NTPCR: variants seen among roughly 807,000 people sequenced by gnomAD.
The protein encoded by NTPCR is nucleoside-triphosphatase, cancer-related, also known as cancer-related nucleoside-triphosphatase.
NTPCR carries 15 observed loss-of-function variants against 19.5 expected under a neutral mutation model. The observed-to-expected ratio is 0.77, with a 90% CI of 0.51 to 1.18. NTPCR has a LOEUF of 1.18. NTPCR is among the 50% of genes most tolerant of loss of function. NTPCR has a pLI of 0.00. For synonymous variants in NTPCR, 90 were observed against 95.8 expected (o/e 0.94, Z 0.36); for missense variants, 206 against 240.4 (o/e 0.86, Z 0.95).
chr1:232,976,371 C>T (rs1379397108), intron 4 of NTPCR: 1 of 1,547,668 alleles, frequency 6.5e-7, no homozygotes, highest in East Asian at 2.4e-5. Context: ...AAGACCAGAG[C>T]AAATTCTCCA....
rs1051163168 is a variant in NTPCR, at chr1:232,976,605, T to G, written c.505-1558T>G. On this transcript the variant is annotated intron_variant, in intron 4 of 4. Coordinates refer to ENST00000366628, the MANE Select transcript of NTPCR (RefSeq NM_032324.3). ...CCTTATAGGCTTTGGAGCTGTCCCA[T>G]GAAGCCAAAGGAAAAGCTGACTGTC... The G allele has an allele frequency of 2.8e-5, 40 of 1,430,266 alleles. No individual in the cohort carries two copies. In the African/African-American group the frequency reaches 5.5e-4, roughly 20 times the overall value. The allele number at this position is 1,430,266 out of a possible 1,614,324, so 88.6% of individuals were successfully genotyped here. A position where few individuals can be genotyped will look rare whatever the true frequency, so the allele number is the denominator to read the frequency against.
chr1:232,981,442 CT>C lies in NTPCR; in HGVS notation c.*3213del, dbSNP rs1381312071. The C allele has an allele frequency of 1.3e-5, 2 of 152,200 alleles. No individual in the cohort carries two copies. The highest frequency in any genetic ancestry group is 4.8e-5 in the African/African-American group (2 of 41,430). 9.4% of individuals were successfully genotyped at this position (152,200 alleles called of 1,614,324 possible). A position where few individuals can be genotyped will look rare whatever the true frequency, so the allele number is the denominator to read the frequency against. The stretch of plus-strand genomic sequence containing the variant: ...CCTGTGTGTGTGCTGATGGCGGATG[CT>C]TGTGTAGCATAGTGACTTGGGACAA... On this transcript the variant is annotated 3_prime_UTR_variant, in exon 5 of 5. Transcript: ENST00000366628.
intron 3 of NTPCR, chr1:232,961,988 C>T (rs1199616629): frequency 1.3e-5 from 2 of 152,122 alleles, no homozygotes; most frequent in African/African-American, 4.8e-5. Flanking sequence ...CCATGGTAAT[C>T]GTTTTTATTT....
At chr1:232,968,262 G>A (rs1224214890) in intron 3 of NTPCR, 1 of 152,194 alleles carries the variant, frequency 6.6e-6, no homozygotes, top group Non-Finnish European at 1.5e-5. Flanking sequence ...CCTCTCTTGG[G>A]TGATTACAGT....
rs766187197 is a variant in NTPCR, at chr1:232,950,737, G to T, written c.27G>T (p.Gly9=). Reference sequence around the variant, plus strand: ...TGGCCCGGCACGTGTTCCTAACGGGGCCCCCAGGTAACCCTGAGGGGATCC... The same window carrying T: ...TGGCCCGGCACGTGTTCCTAACGGGTCCCCCAGGTAACCCTGAGGGGATCC... MARHVFLT[G]PPGVGKTTLI... The change falls in exon 1 of 5, where the codon GGG becomes GGT. Residue 9 remains glycine, a synonymous_variant. Coordinates refer to ENST00000366628, the MANE Select transcript of NTPCR (RefSeq NM_032324.3). 23 of 1,601,528 alleles carry T rather than the reference G, an allele frequency of 1.4e-5. No homozygotes were observed. Among genetic ancestry groups the T allele is most frequent in the Non-Finnish European group, 1.9e-5 (22 of 1,173,228 alleles).
chr1:232,975,475 G>T (rs1237323384), intron 4 of NTPCR, among the ~76,000 whole-genome samples: 1 of 152,202 alleles, frequency 6.6e-6, no homozygotes, highest in Non-Finnish European at 1.5e-5. Flanking sequence ...GATGGAGCAG[G>T]CAGGGGAAGA....
At chr1:232,952,908 G>A (rs1242602332) in intron 1 of NTPCR, among the ~76,000 whole-genome samples, 1 of 152,076 alleles carries the variant, frequency 6.6e-6, no homozygotes, top group African/African-American at 2.4e-5. Flanking sequence ...GCTTTCTCTG[G>A]TCCCTGGAGC....
intron 3 of NTPCR, among the ~76,000 whole-genome samples, chr1:232,959,504 A>G (rs889777607): frequency 6.6e-6 from 1 of 152,174 alleles, no homozygotes; most frequent in African/African-American, 2.4e-5. Flanking sequence ...TTTTTCTCCC[A>G]TCATACATAT....
intron 3 of NTPCR, 197 bp from the exon 4 acceptor site, chr1:232,969,712 G>T: frequency 1.9e-6 from 1 of 515,258 alleles, no homozygotes; most frequent in Non-Finnish European, 3.5e-6. Flanking sequence ...ATGATTCCCA[G>T]CTCCTGGGAC....
intron 3 of NTPCR, chr1:232,966,551 T>G (rs1297606299): frequency 6.6e-6 from 1 of 152,232 alleles, no homozygotes; most frequent in Non-Finnish European, 1.5e-5. Flanking sequence ...CCCAAAAAAA[T>G]CACACTATTT....
At position 232,956,432 on chromosome 1, in the gene NTPCR, G is replaced by T; in HGVS notation, c.283G>T (p.Val95Phe). The part of the protein sequence containing the change: ...LTSFEQLALP[V>F]LRNADCSSGP... Reference sequence around the variant, plus strand: ...TTCTTTTGAGCAGTTGGCACTACCCGTCTTGAGGAATGTGAGTACGTGATT... The same window carrying T: ...TTCTTTTGAGCAGTTGGCACTACCCTTCTTGAGGAATGTGAGTACGTGATT... Residue 95 changes from valine to phenylalanine, a missense_variant, in exon 3 of 5, where the codon GTC becomes TTC. By Grantham distance (50) the Val-to-Phe change is conservative. Transcript: ENST00000366628. 1 of 1,610,162 alleles carries T rather than the reference G, an allele frequency of 6.2e-7. No homozygotes were observed. Among genetic ancestry groups the T allele is most frequent in the Non-Finnish European group, 8.5e-7 (1 of 1,176,430 alleles).
intron 3 of NTPCR, among the ~76,000 whole-genome samples, chr1:232,958,369 T>A (rs1215390291): frequency 6.6e-6 from 1 of 152,242 alleles, no homozygotes; most frequent in Non-Finnish European, 1.5e-5. Context: ...CCCTTGGCAC[T>A]TGCCATTTTT....
chr1:232,957,289 A>G (rs7550499), intron 3 of NTPCR, among the ~76,000 whole-genome samples: 149,272 of 152,316 alleles, frequency 0.98, 73,163 homozygotes, highest in East Asian at 1. Context: ...TTCTTTGAAT[A>G]ATTGATAGAA....
At chr1:232,972,916 G>A (rs773958367) in intron 4 of NTPCR, among the ~76,000 whole-genome samples, 2 of 152,162 alleles carry the variant, frequency 1.3e-5, no homozygotes, top group Non-Finnish European at 2.9e-5. Context: ...AGACCATGGG[G>A]CAATCAAAAT....
At chr1:232,975,690 C>T (rs975614427) in intron 4 of NTPCR, among the ~76,000 whole-genome samples, 1 of 152,162 alleles carries the variant, frequency 6.6e-6, no homozygotes, top group East Asian at 1.9e-4. Flanking sequence ...ACCAAGGGCC[C>T]CCCTACAGCC....
At position 232,969,892 on chromosome 1, in the gene NTPCR, G is replaced by C. The variant is rs754329122; in HGVS notation, c.295-17G>C. 7 of 1,610,024 alleles carry C rather than the reference G, an allele frequency of 4.3e-6. No individual in the cohort carries two copies. Among genetic ancestry groups the C allele is most frequent in the Non-Finnish European group, 3.4e-6 (4 of 1,176,458 alleles). On this transcript the variant is annotated splice_polypyrimidine_tract_variant and intron_variant, in intron 3 of 4. Coordinates refer to ENST00000366628, the MANE Select transcript of NTPCR (RefSeq NM_032324.3). ...ATGTGACTCTGATGTCCCAGTGAAA[G>C]TCTTTGTCATTCTCAGGCCGACTGC...
intron 3 of NTPCR, among the ~76,000 whole-genome samples, chr1:232,960,170 C>T (rs1394188910): frequency 7.2e-6 from 1 of 138,466 alleles, no homozygotes; most frequent in Admixed American, 7.6e-5. Flanking sequence ...GCTAAGATGG[C>T]ACCATTGCAT....
intron 1 of NTPCR, among the ~76,000 whole-genome samples, chr1:232,954,737 T>C (rs907696946): frequency 6.6e-6 from 1 of 152,214 alleles, no homozygotes; most frequent in Non-Finnish European, 1.5e-5. Context: ...TAGAACAGTG[T>C]CTGGCTCCAT....
In NTPCR at chr1:232,956,427, TA is replaced by T. The variant is rs1381762855; in HGVS notation, c.279del (p.Val95SerfsTer2). On this transcript the variant is annotated frameshift_variant, in exon 3 of 5. Coordinates refer to ENST00000366628, the MANE Select transcript of NTPCR (RefSeq NM_032324.3). LOFTEE classifies it high-confidence loss of function. ...CTGACTTCTTTTGAGCAGTTGGCACTACCCGTCTTGAGGAATGTGAGTACGT... is the reference window on the plus strand; with the variant it reads ...CTGACTTCTTTTGAGCAGTTGGCACTCCCGTCTTGAGGAATGTGAGTACGT... The part of the protein sequence containing the change: ...VDLTSFEQLA[L>X]PVLRNADCSS... 1.2e-6 allele frequency: 2 copies of T among 1,611,712 alleles called. No individual in the cohort carries two copies. Among genetic ancestry groups the T allele is most frequent in the African/African-American group, 1.3e-5 (1 of 74,900 alleles).
Sources: gnomAD v4.1 joint callset for allele counts (sites outside exome capture counted in the v4.1 genomes callset) on GRCh38, gnomAD v4.1.1 for gene constraint, MANE v1.5 for transcripts, NCBI Gene and HGNC (gene_info 2026-07-23, HGNC 2026-07-21) for gene names.